KANK4: variants seen among roughly 807,000 people sequenced by gnomAD.
KANK4 encodes the protein KN motif and ankyrin repeat domain-containing protein 4.
KANK4 carries 50 observed loss-of-function variants against 80.8 expected under a neutral mutation model. That is an observed-to-expected ratio of 0.62 (90% CI 0.49 to 0.78). The LOEUF (loss-of-function observed/expected upper bound fraction) is 0.78. Among genes scored for constraint, KANK4 ranks in the 30% least tolerant of loss-of-function variants. The pLI is 0.00. For synonymous variants in KANK4, 465 were observed against 506.9 expected (o/e 0.92, Z 1.11); for missense variants, 1,196 against 1,240.1 (o/e 0.96, Z 0.53).
chr1:62,281,872 T>A (rs1212333132), intron 1 of KANK4, among the ~76,000 whole-genome samples: 2 of 152,138 alleles, frequency 1.3e-5, no homozygotes, highest in Non-Finnish European at 2.9e-5. Context: ...AAGTATTTGG[T>A]CCAGCGGTCT....
At position 62,273,499 on chromosome 1, in the gene KANK4, C is replaced by T. The variant is rs369878974; in HGVS notation, c.1605G>A (p.Arg535=). The change falls in exon 3 of 10, where the codon AGG becomes AGA. Residue 535 remains arginine, a synonymous_variant. Coordinates refer to ENST00000371153, the MANE Select transcript of KANK4 (RefSeq NM_181712.5). ...CTGGGAGATTGGAACTGGTCTCCTCCCTCCCTGCTGGGGGAGTCTTTCTGT... is the reference window on the plus strand; with the variant it reads ...CTGGGAGATTGGAACTGGTCTCCTCTCTCCCTGCTGGGGGAGTCTTTCTGT... The part of the protein sequence containing the change: ...GSDRKTPPAG[R]EETSSNLPGK... 2 of 1,613,810 alleles carry T rather than the reference C, an allele frequency of 1.2e-6. No homozygotes were observed. The highest frequency in any genetic ancestry group is 2.7e-5 in the African/African-American group (2 of 74,926).
intron 1 of KANK4, among the ~76,000 whole-genome samples, chr1:62,304,509 C>G (rs1291378123): frequency 6.6e-6 from 1 of 151,994 alleles, no homozygotes; most frequent in Non-Finnish European, 1.5e-5. Context: ...CCAGGATTCT[C>G]CCCTTCTAGC....
At chr1:62,242,565 C>A (rs1394101638) in intron 9 of KANK4, among the ~76,000 whole-genome samples, 4 of 151,844 alleles carry the variant, frequency 2.6e-5, no homozygotes, top group African/African-American at 2.4e-5. Flanking sequence ...AAAGAAGCTG[C>A]CAAAATGAAG....
intron 1 of KANK4, among the ~76,000 whole-genome samples, chr1:62,298,924 C>CTA: frequency 7.6e-6 from 1 of 131,266 alleles, no homozygotes; most frequent in East Asian, 2.0e-4. Context: ...CTCTATGTCT[C>CTA]TATGTATTAT....
chr1:62,266,496 A>ACT (rs1162963941), intron 6 of KANK4, among the ~76,000 whole-genome samples: 6 of 149,600 alleles, frequency 4.0e-5, no homozygotes, highest in Admixed American at 1.3e-4. Flanking sequence ...ACTGCCTCAC[A>ACT]CACACACCAC....
In KANK4 at chr1:62,274,847, G is replaced by A. The variant is rs576296515; in HGVS notation, c.257C>T (p.Pro86Leu). Residue 86 changes from proline to leucine, a missense_variant, in exon 3 of 10, where the codon CCG becomes CTG. Pro to Leu is a moderately conservative substitution (Grantham distance 98). This residue lies in a region of KANK4 where 1,154 missense variants were observed against 1,179.6 expected (regional missense o/e 0.98). Coordinates refer to ENST00000371153, the MANE Select transcript of KANK4 (RefSeq NM_181712.5). ...CACGGGAGACCAGTTTTGGAGGGGC[G>A]GGGCTGCAGGGGGGCGAGCCCCACT... is the stretch of plus-strand genomic sequence containing the variant. ...PDSGARPPAA[P>L]PLQNWSPVVP... 3.7e-6 allele frequency: 6 copies of A among 1,614,132 alleles called. No individual in the cohort carries two copies. Among genetic ancestry groups the A allele is most frequent in the African/African-American group, 1.3e-5 (1 of 75,066 alleles).
intron 1 of KANK4, among the ~76,000 whole-genome samples, chr1:62,303,067 A>G (rs1644425004): frequency 6.6e-6 from 1 of 152,108 alleles, no homozygotes; most frequent in African/African-American, 2.4e-5. Context: ...CTCAGGTAGG[A>G]AGAGATCAAG....
At chr1:62,253,502 C>T (rs1253890507) in intron 7 of KANK4, among the ~76,000 whole-genome samples, 1 of 150,504 alleles carries the variant, frequency 6.6e-6, no homozygotes, top group Admixed American at 6.7e-5. Flanking sequence ...CTCCACCTCC[C>T]AGGTTCAAGC....
chr1:62,295,506 G>C (rs1571034791), intron 1 of KANK4, among the ~76,000 whole-genome samples: 1 of 152,282 alleles, frequency 6.6e-6, no homozygotes. Context: ...TTCAAATCAA[G>C]GTTCCCCTTT....
intron 1 of KANK4, among the ~76,000 whole-genome samples, chr1:62,298,953 C>T (rs1200241318): frequency 6.6e-6 from 1 of 151,292 alleles, no homozygotes; most frequent in Non-Finnish European, 1.5e-5. Context: ...TTCTGTTTAA[C>T]AGAATAGGAA....
chr1:62,279,198 G>GCGCGCGCACACACACA (rs1282615199), intron 2 of KANK4, among the ~76,000 whole-genome samples: 16 of 146,288 alleles, frequency 1.1e-4, no homozygotes, highest in African/African-American at 3.6e-4. Flanking sequence ...GCTAGCGCGC[G>GCGCGCGCACACACACA]CACACACACA....
chr1:62,266,516 T>A (rs1296186819), intron 6 of KANK4, among the ~76,000 whole-genome samples: 1 of 150,990 alleles, frequency 6.6e-6, no homozygotes, highest in Admixed American at 6.6e-5. Context: ...CTCACACCAC[T>A]GCACACTCAC....
At chr1:62,246,236 C>T (rs1671462809) in intron 9 of KANK4, among the ~76,000 whole-genome samples, 2 of 152,110 alleles carry the variant, frequency 1.3e-5, no homozygotes, top group Admixed American at 6.6e-5. Context: ...CGTCACCTTA[C>T]GAGGAAGTTT....
At chr1:62,263,527 T>A (rs1671944545) in intron 6 of KANK4, 1 of 551,244 alleles carries the variant, frequency 1.8e-6, no homozygotes, top group Non-Finnish European at 3.2e-6. Context: ...AAAGGAAGAC[T>A]GGGAGGACAG....
At position 62,274,153 on chromosome 1, in the gene KANK4, C is replaced by A. The variant is rs781290366; in HGVS notation, c.951G>T (p.Glu317Asp). 2 of 1,614,188 alleles carry A rather than the reference C, an allele frequency of 1.2e-6. No individual in the cohort carries two copies. Among genetic ancestry groups the A allele is most frequent in the East Asian group, 4.5e-5 (2 of 44,876 alleles). The part of the protein sequence containing the change: ...ISEIPPPPPV[E>D]VDMRSIGIRV... ...TGATGCCAATGCTTCTCATGTCCAC[C>A]TCTACAGGTGGCGGGGGTGGAATCT... is the stretch of plus-strand genomic sequence containing the variant. The change falls in exon 3 of 10, where the codon GAG becomes GAT. Residue 317 changes from glutamate to aspartate, a missense_variant. Physicochemically the swap from Glu to Asp is conservative, Grantham distance 45. Coordinates refer to ENST00000371153, the MANE Select transcript of KANK4 (RefSeq NM_181712.5).
Position 62,273,461 on chromosome 1 carries a change from G to A in KANK4, c.1643C>T (p.Pro548Leu), listed in dbSNP as rs750293657. Residue 548 changes from proline (P) to leucine (L), a missense_variant, in exon 3 of 10, where the codon CCG becomes CTG. Physicochemically the swap from Pro to Leu is moderately conservative, Grantham distance 98 (BLOSUM62 -3). This residue lies in a region of KANK4 where 1,154 missense variants were observed against 1,179.6 expected (regional missense o/e 0.98). Coordinates refer to ENST00000371153, the MANE Select transcript of KANK4 (RefSeq NM_181712.5). ...TSSNLPGKEH[P>L]GRPPSSPTDA... ...CGTTGGCGAGCTTGGTGGCCTTCCC[G>A]GGTGCTCCTTCCCTGGGAGATTGGA... is the stretch of plus-strand genomic sequence containing the variant. The A allele has an allele frequency of 8.7e-6, 14 of 1,613,782 alleles. No homozygotes were observed. The African/African-American group carries it at 9.3e-5, about 11-fold the overall frequency.
Position 62,248,755 on chromosome 1 carries a change from G to C in KANK4, c.2683-1083C>G, listed in dbSNP as rs1671534248. Among the ~76,000 whole-genome samples, 3 of 151,202 alleles carry C rather than the reference G, an allele frequency of 2.0e-5. No homozygotes were observed. In the South Asian group the frequency reaches 6.3e-4, roughly 32 times the overall value. On this transcript the variant is annotated intron_variant, in intron 8 of 9. Transcript: ENST00000371153. ...AGACAGGCTTTCCCCATGTTGACCA[G>C]GCTGGTCTTGAACTCCTGACCTCAG...
intron 1 of KANK4, among the ~76,000 whole-genome samples, chr1:62,304,441 C>CA (rs35985239): frequency 0.22 from 33,904 of 151,678 alleles, 4,129 homozygotes; most frequent in Middle Eastern, 0.35. Context: ...GACCAAATGT[C>CA]AAAAAAGCCC....
intron 1 of KANK4, among the ~76,000 whole-genome samples, chr1:62,316,409 A>T (rs563793690): frequency 6.6e-6 from 1 of 152,332 alleles, no homozygotes; most frequent in East Asian, 1.9e-4. Context: ...GCCTTCATAA[A>T]GTACCAGGAA....
Sources: allele counts gnomAD v4.1 joint callset (sites outside exome capture counted in the v4.1 genomes callset), GRCh38; gene constraint gnomAD v4.1.1; regional missense constraint gnomAD v4.1.1; transcripts MANE v1.5; gene names NCBI Gene and HGNC (gene_info 2026-07-23, HGNC 2026-07-21).